SCD5: variants seen among roughly 807,000 people sequenced by gnomAD.
SCD5 encodes acyl-CoA-desaturase 4.
In SCD5, 20 loss-of-function variants were observed where a neutral mutation model predicts 30.4. The ratio of observed to expected loss-of-function variants is 0.66; its 90% CI spans 0.46 to 0.96. SCD5 has a LOEUF of 0.96. Ranked by LOEUF, SCD5 falls within the 40% of genes least tolerant of loss-of-function variation. SCD5 has a pLI of 0.00. For synonymous variants in SCD5, 173 were observed against 176.4 expected (o/e 0.98, Z 0.16); for missense variants, 381 against 443.3 (o/e 0.86, Z 1.26).
intron 1 of SCD5, among the ~76,000 whole-genome samples, chr4:82,777,118 GC>G (rs1395342782): frequency 6.6e-6 from 1 of 152,208 alleles, no homozygotes; most frequent in Non-Finnish European, 1.5e-5. Flanking sequence ...CCAGACAGTG[GC>G]CCTCTCTCTG....
At chr4:82,742,661 C>T (rs1171287548) in intron 1 of SCD5, among the ~76,000 whole-genome samples, 1 of 152,180 alleles carries the variant, frequency 6.6e-6, no homozygotes, top group East Asian at 1.9e-4. Context: ...GTGGCTCATG[C>T]CTGTAATCCC....
At chr4:82,722,786 G>C (rs182052749) in intron 1 of SCD5, among the ~76,000 whole-genome samples, 1 of 147,946 alleles carries the variant, frequency 6.8e-6, no homozygotes, top group Non-Finnish European at 1.5e-5. Flanking sequence ...AAGTATTCTC[G>C]GCTGGGCTCA....
intron 3 of SCD5, among the ~76,000 whole-genome samples, chr4:82,644,004 C>T (rs1486917174): frequency 2.0e-5 from 3 of 152,192 alleles, no homozygotes; most frequent in African/African-American, 7.2e-5. Context: ...CAAGGATGTC[C>T]TATTGTTGAA....
intron 3 of SCD5, among the ~76,000 whole-genome samples, chr4:82,645,686 A>C (rs557490975): frequency 2.6e-5 from 4 of 152,332 alleles, no homozygotes; most frequent in Non-Finnish European, 4.4e-5. Flanking sequence ...ACAGCGCCCC[A>C]ATCCAAGTAA....
At chr4:82,662,144 A>G (rs916403815) in intron 3 of SCD5, among the ~76,000 whole-genome samples, 1 of 151,982 alleles carries the variant, frequency 6.6e-6, no homozygotes, top group African/African-American at 2.4e-5. Flanking sequence ...GCAGCCTCAA[A>G]CTCCTGAGCT....
chr4:82,700,860 G>C (rs1328423478), intron 2 of SCD5, among the ~76,000 whole-genome samples: 5 of 142,154 alleles, frequency 3.5e-5, no homozygotes, highest in African/African-American at 1.3e-4. Flanking sequence ...GAGGGAATTT[G>C]TCACCAGTAT....
At chr4:82,679,688 C>T (rs888707529) in intron 3 of SCD5, among the ~76,000 whole-genome samples, 1 of 152,146 alleles carries the variant, frequency 6.6e-6, no homozygotes, top group African/African-American at 2.4e-5. Context: ...CAGTCTGTCT[C>T]CAGGGTCTGC....
Position 82,634,099 on chromosome 4 carries a change from G to A in SCD5, c.802+2492C>T, listed in dbSNP as rs1412228058. Among the ~76,000 whole-genome samples, 36 of 152,046 alleles carry A rather than the reference G, an allele frequency of 2.4e-4. 1 individual carries two copies. The highest frequency in any genetic ancestry group is 2.3e-3 in the Admixed American group (35 of 15,270). On this transcript the variant is annotated intron_variant, in intron 4 of 4. Transcript: ENST00000319540. ...GTATCAGATCTTCATTCTTTTTATT[G>A]CCAAACGGTATTTCATTATATGGAT...
chr4:82,648,511 C>T (rs906151), intron 3 of SCD5, among the ~76,000 whole-genome samples: 1,746 of 119,514 alleles, frequency 0.015, 38 homozygotes, highest in African/African-American at 0.055. Flanking sequence ...AGCATGATCT[C>T]GAGAAACAAC....
intron 1 of SCD5, among the ~76,000 whole-genome samples, chr4:82,764,405 A>G (rs967699617): frequency 1.3e-5 from 2 of 152,106 alleles, no homozygotes; most frequent in African/African-American, 4.8e-5. Flanking sequence ...TCTTTTTCAT[A>G]TCTTCATCCT....
chr4:82,645,368 A>T (rs1727617318), intron 3 of SCD5, among the ~76,000 whole-genome samples: 1 of 152,028 alleles, frequency 6.6e-6, no homozygotes. Context: ...GGGTGGGATC[A>T]ACCCAAGAAC....
At chr4:82,698,976 T>C (rs1299930294) in intron 2 of SCD5, among the ~76,000 whole-genome samples, 1 of 152,234 alleles carries the variant, frequency 6.6e-6, no homozygotes, top group African/African-American at 2.4e-5. Context: ...TGTTCTCCTG[T>C]GCCTAGAACA....
At chr4:82,633,528 T>C (rs753030547) in intron 4 of SCD5, among the ~76,000 whole-genome samples, 15 of 152,336 alleles carry the variant, frequency 9.8e-5, no homozygotes, top group Middle Eastern at 3.4e-3. Context: ...ATATGGTAGC[T>C]CTATTTTTAA....
At chr4:82,718,842 A>C (rs6535386) in intron 1 of SCD5, among the ~76,000 whole-genome samples, 90,288 of 151,220 alleles carry the variant, frequency 0.6, 28,863 homozygotes, top group African/African-American at 0.82. Flanking sequence ...GCAGCATATT[A>C]CAAGGCTTGG....
chr4:82,727,738 A>T (rs1386247360), intron 1 of SCD5, among the ~76,000 whole-genome samples: 1 of 151,814 alleles, frequency 6.6e-6, no homozygotes, highest in Non-Finnish European at 1.5e-5. Context: ...ACAGTGTCTC[A>T]CTCTGTCGCC....
intron 3 of SCD5, among the ~76,000 whole-genome samples, chr4:82,641,253 CAAAAAAAAAA>C (rs10708492): frequency 3.8e-5 from 2 of 52,192 alleles, no homozygotes; most frequent in East Asian, 1.4e-3. Flanking sequence ...AACTCCATCT[CAAAAAAAAAA>C]AAAAAAAAAA....
At chr4:82,774,227 C>T (rs994426067) in intron 1 of SCD5, among the ~76,000 whole-genome samples, 3 of 151,412 alleles carry the variant, frequency 2.0e-5, no homozygotes, top group African/African-American at 4.9e-5. Flanking sequence ...GCAACAACAA[C>T]GAAAAACAAC....
intron 1 of SCD5, among the ~76,000 whole-genome samples, chr4:82,757,708 G>A (rs72909655): frequency 0.061 from 9,230 of 152,158 alleles, 566 homozygotes; most frequent in African/African-American, 0.16. Flanking sequence ...GTAGAGCCTC[G>A]TCTGCAAAAT....
At chr4:82,778,969 C>A (rs745806834) in intron 1 of SCD5, among the ~76,000 whole-genome samples, 1 of 151,648 alleles carries the variant, frequency 6.6e-6, no homozygotes, top group Non-Finnish European at 1.5e-5. Flanking sequence ...CAGGTTCAAG[C>A]GATTCTCCTG....
Sources: allele counts gnomAD v4.1 joint callset (sites outside exome capture counted in the v4.1 genomes callset), GRCh38; gene constraint gnomAD v4.1.1; transcripts MANE v1.5; gene names NCBI Gene and HGNC (gene_info 2026-07-23, HGNC 2026-07-21).